Variants in RNF122 observed in about 807,000 individuals in gnomAD.
The protein encoded by RNF122 is ring finger protein 122.
A neutral mutation model predicts 24.2 loss-of-function variants in RNF122; 17 were observed. The observed-to-expected ratio is 0.70, with a 90% confidence interval of 0.48 to 1.06. RNF122 has a LOEUF of 1.06. Among genes scored for constraint, RNF122 ranks in the 50% least tolerant of loss-of-function variants. The pLI is 0.00. For synonymous variants in RNF122, 65 were observed against 71.8 expected, an observed-to-expected ratio of 0.91 and a Z score of 0.48; for missense variants, 168 against 198.1, an observed-to-expected ratio of 0.85 and a Z score of 0.91.
At chr8:33,562,514 A>G (rs1300562787) in intron 1 of RNF122, among the ~76,000 whole-genome samples, 2 of 147,588 alleles carry the variant, frequency 1.4e-5, no homozygotes, top group Admixed American at 6.9e-5. Flanking sequence ...TGCACTTAGC[A>G]TGGGCCAGAG....
chr8:33,562,854 C>T (rs748882343), intron 1 of RNF122, among the ~76,000 whole-genome samples: 4 of 152,108 alleles, frequency 2.6e-5, no homozygotes, highest in African/African-American at 4.8e-5. Context: ...ACCTGGGAAG[C>T]GGAGGTTGCA....
At chr8:33,563,881 C>T (rs1810579845) in intron 1 of RNF122, among the ~76,000 whole-genome samples, 1 of 152,116 alleles carries the variant, frequency 6.6e-6, no homozygotes, top group African/African-American at 2.4e-5. Flanking sequence ...TATCTGTGCA[C>T]TCCACAAGCA....
At chr8:33,558,502 C>A in intron 2 of RNF122, 113 bp downstream of exon 2, 1 of 789,680 alleles carries the variant, frequency 1.3e-6, no homozygotes, top group Admixed American at 3.1e-5. Context: ...AAAGTGGTGG[C>A]TCCAGTATAA....
At chr8:33,550,502 G>C (rs773250875) in intron 4 of RNF122, among the ~76,000 whole-genome samples, 4 of 152,104 alleles carry the variant, frequency 2.6e-5, no homozygotes, top group Non-Finnish European at 5.9e-5. Flanking sequence ...TAGAGGCATA[G>C]GTAGGAAAGG....
chr8:33,558,163 G>A (rs1419279470), intron 2 of RNF122, among the ~76,000 whole-genome samples: 8 of 152,036 alleles, frequency 5.3e-5, no homozygotes, highest in Middle Eastern at 3.2e-3. Flanking sequence ...TCTAGACACC[G>A]GCTTGCTTCC....
chr8:33,555,255 T>C (rs771032269), intron 2 of RNF122, among the ~76,000 whole-genome samples: 17 of 151,938 alleles, frequency 1.1e-4, no homozygotes, highest in Non-Finnish European at 1.6e-4. Context: ...CAGGCTGGAG[T>C]GCAATGGCAT....
intron 1 of RNF122, among the ~76,000 whole-genome samples, chr8:33,566,086 C>T (rs1024860362): frequency 1.3e-5 from 2 of 152,158 alleles, no homozygotes; most frequent in South Asian, 4.1e-4. Context: ...CTCCCGACTT[C>T]AGGTGATCCG....
Position 33,566,812 on chromosome 8 carries a change from C to G in RNF122, c.-89G>C. 6.9e-7 allele frequency: 1 copy of G among 1,452,136 alleles called. No individual in the cohort carries two copies. The highest frequency in any genetic ancestry group is 9.5e-7 in the Non-Finnish European group (1 of 1,056,174). The allele number at this position is 1,452,136 out of a possible 1,614,324, so 90.0% of individuals were successfully genotyped here. On this transcript the variant is annotated 5_prime_UTR_variant, in exon 1 of 6. Transcript: ENST00000256257. ...TGGGAGCACTAGCGGCGTGAGGGGC[C>G]GCAGGCGGGGTCGGGGCAGCGCGCT...
chr8:33,551,791 T>G (rs1260851486), intron 2 of RNF122, among the ~76,000 whole-genome samples: 2 of 152,194 alleles, frequency 1.3e-5, no homozygotes, highest in Admixed American at 6.6e-5. Flanking sequence ...TAAGCCAGGA[T>G]AGCAGAATAA....
chr8:33,562,319 T>C (rs1413121728), intron 1 of RNF122, among the ~76,000 whole-genome samples: 2 of 151,994 alleles, frequency 1.3e-5, no homozygotes, highest in East Asian at 3.9e-4. Context: ...GAGGACCGCT[T>C]GAGGCCAGAA....
chr8:33,550,910 C>T, intron 4 of RNF122, 134 bp downstream of exon 4: 1 of 799,130 alleles, frequency 1.3e-6, no homozygotes, highest in Non-Finnish European at 2.2e-6. Flanking sequence ...GATGTGTCTC[C>T]ATTATTTGGC....
rs1445008408 is a variant in RNF122 at position 33,566,881 on chromosome 8, G to A, written c.-158C>T. 2.6e-6 allele frequency: 2 copies of A among 762,230 alleles called. No individual in the cohort carries two copies. The highest frequency in any genetic ancestry group is 1.7e-5 in the African/African-American group (1 of 57,934). 47.2% of individuals were successfully genotyped at this position (762,230 alleles called of 1,614,324 possible). On this transcript the variant is annotated 5_prime_UTR_variant, in exon 1 of 6. Transcript: ENST00000256257. The stretch of plus-strand genomic sequence containing the variant: ...AAGCCGAACTCCCTCCGGAGTGGGG[G>A]GCTTTGACGAGGCTGGTGTTCAGCC...
intron 2 of RNF122, among the ~76,000 whole-genome samples, chr8:33,552,919 C>T (rs1021634569): frequency 6.6e-6 from 1 of 151,698 alleles, no homozygotes; most frequent in Non-Finnish European, 1.5e-5. Flanking sequence ...ATTCACAGGA[C>T]AATTCACACG....
chr8:33,566,674 C>G, intron 1 of RNF122, 25 bp downstream of exon 1: 1 of 1,594,470 alleles, frequency 6.3e-7, no homozygotes, highest in South Asian at 1.1e-5. Flanking sequence ...CCCACGTAGG[C>G]TCGGCCCTCG....
At chr8:33,565,686 G>A (rs1810611660) in intron 1 of RNF122, among the ~76,000 whole-genome samples, 1 of 152,190 alleles carries the variant, frequency 6.6e-6, no homozygotes, top group African/African-American at 2.4e-5. Flanking sequence ...CCAGGCCTGG[G>A]GAGAAATGGG....
chr8:33,548,629 A>C lies in RNF122; in HGVS notation c.*124T>G. On this transcript the variant is annotated 3_prime_UTR_variant, in exon 6 of 6. Transcript: ENST00000256257. ...GAGGGTAGAAGCCCAGTCCTAGACCACCCTTCTCATCACTGGGAAAGTGAT... is the reference window on the plus strand; with the variant it reads ...GAGGGTAGAAGCCCAGTCCTAGACCCCCCTTCTCATCACTGGGAAAGTGAT... 1 of 691,946 alleles carries C rather than the reference A, an allele frequency of 1.4e-6. No individual in the cohort carries two copies. The highest frequency in any genetic ancestry group is 1.8e-5 in the African/African-American group (1 of 57,016). 42.9% of individuals were successfully genotyped at this position (691,946 alleles called of 1,614,324 possible). A position where few individuals can be genotyped will look rare whatever the true frequency, so the allele number is the denominator to read the frequency against.
chr8:33,566,977 G>C lies in RNF122; in HGVS notation c.-254C>G, dbSNP rs986657609. ...CAGCCGCACGGAGCGCACGCGCCAAGGGCCCCGGGCTGGGGGAATGTGGGG... is the reference window on the plus strand; with the variant it reads ...CAGCCGCACGGAGCGCACGCGCCAACGGCCCCGGGCTGGGGGAATGTGGGG... On this transcript the variant is annotated 5_prime_UTR_variant, in exon 1 of 6. Coordinates refer to ENST00000256257, the MANE Select transcript of RNF122 (RefSeq NM_024787.3). The C allele has an allele frequency of 2.0e-6, 1 of 511,926 alleles. No homozygotes were observed. The highest frequency in any genetic ancestry group is 2.0e-5 in the African/African-American group (1 of 48,782). The allele number at this position is 511,926 out of a possible 1,614,324, so 31.7% of individuals were successfully genotyped here. A position where few individuals can be genotyped will look rare whatever the true frequency, so the allele number is the denominator to read the frequency against.
chr8:33,566,801 G>T lies in RNF122; in HGVS notation c.-78C>A, dbSNP rs1339145051. ...GGAGGGCGGGGTGGGAGCACTAGCG[G>T]CGTGAGGGGCCGCAGGCGGGGTCGG... On this transcript the variant is annotated 5_prime_UTR_variant, in exon 1 of 6. Coordinates refer to ENST00000256257, the MANE Select transcript of RNF122 (RefSeq NM_024787.3). 9 of 1,521,424 alleles carry T rather than the reference G, an allele frequency of 5.9e-6. No individual in the cohort carries two copies. Among genetic ancestry groups the T allele is most frequent in the Non-Finnish European group, 8.1e-6 (9 of 1,116,700 alleles). 94.2% of individuals were successfully genotyped at this position (1,521,424 alleles called of 1,614,324 possible).
intron 1 of RNF122, among the ~76,000 whole-genome samples, chr8:33,560,008 AT>A (rs1342623940): frequency 2.0e-5 from 3 of 151,820 alleles, no homozygotes; most frequent in Non-Finnish European, 4.4e-5. Flanking sequence ...TGCCCGGCTA[AT>A]TTTTGAATTT....
Sources: gnomAD v4.1 joint callset for allele counts (sites outside exome capture counted in the v4.1 genomes callset) on GRCh38, gnomAD v4.1.1 for gene constraint, MANE v1.5 for transcripts, NCBI Gene and HGNC (gene_info 2026-07-23, HGNC 2026-07-21) for gene names.